The following MRC2 variants were observed in gnomAD, a reference collection of about 807,000 sequenced individuals.
The protein encoded by MRC2 is mannose receptor C-type 2.
MRC2 carries 84 observed loss-of-function variants against 206.2 expected under a neutral mutation model. The observed-to-expected ratio is 0.41, with a 90% CI of 0.34 to 0.49. MRC2 has a LOEUF of 0.49. MRC2 is among the 20% of genes least tolerant of loss of function. The pLI is 0.31. For synonymous variants in MRC2, 798 were observed against 800.0 expected (o/e 1.00, Z 0.04); for missense variants, 1,676 against 2,001.5 (o/e 0.84, Z 3.10).
chr17:62,639,049 A>G (rs2088364905), intron 1 of MRC2, among the ~76,000 whole-genome samples: 1 of 152,180 alleles, frequency 6.6e-6, no homozygotes. Context: ...AAGTGCAAGG[A>G]TTGGGCCGGG....
At chr17:62,673,255 G>A (rs536160046) in intron 8 of MRC2, among the ~76,000 whole-genome samples, 1 of 152,278 alleles carries the variant, frequency 6.6e-6, no homozygotes, top group African/African-American at 2.4e-5. Flanking sequence ...CATACTGCTG[G>A]CTGGGGGCCT....
rs939644343 is a variant in MRC2 at position 62,693,130 on chromosome 17, GAC to G, written c.*682_*683del. The G allele has an allele frequency of 7.2e-5, 11 of 152,676 alleles. No homozygotes were observed. Among genetic ancestry groups the G allele is most frequent in the African/African-American group, 2.4e-4 (10 of 41,424 alleles). The allele number at this position is 152,676 out of a possible 1,614,324, so 9.5% of individuals were successfully genotyped here. On this transcript the variant is annotated 3_prime_UTR_variant, in exon 30 of 30. Transcript: ENST00000303375. ...TGGGCTGGAGATAAGACTGGGGAGAGACACCCCAACCTCCCAGGGTGGGAGCT... is the reference window on the plus strand; with the variant it reads ...TGGGCTGGAGATAAGACTGGGGAGAGACCCCAACCTCCCAGGGTGGGAGCT...
chr17:62,629,761 G>T (rs1366356805), intron 1 of MRC2, among the ~76,000 whole-genome samples: 2 of 152,226 alleles, frequency 1.3e-5, no homozygotes, highest in East Asian at 3.8e-4. Context: ...GGTGAATTAC[G>T]TTGTTGTTGG....
Position 62,676,317 on chromosome 17 carries a change from T to C in MRC2, c.1686-66T>C, listed in dbSNP as rs75948851. 1,225 of 1,594,538 alleles carry C rather than the reference T, an allele frequency of 7.7e-4. 8 individuals carry two copies. The African/African-American group carries it at 0.014, about 19-fold the overall frequency. ...GCACCCGAGCTCCCACGGTAGGGCG[T>C]CTGGCCTGTGACTGGGGGATTGGGA... On this transcript the variant is annotated intron_variant, in intron 10 of 29. Transcript: ENST00000303375.
intron 26 of MRC2, 69 bp downstream of exon 26, chr17:62,690,374 A>C (rs988711197): frequency 6.5e-7 from 1 of 1,534,430 alleles, no homozygotes; most frequent in Non-Finnish European, 8.8e-7. Flanking sequence ...ACTCAGACCC[A>C]TGAGTACATC....
rs181488429 is a variant in MRC2 at position 62,652,768 on chromosome 17, G to T, written c.119-11780G>T. Among the ~76,000 whole-genome samples the T allele has an allele frequency of 6.8e-6, 1 of 147,448 alleles. No individual in the cohort carries two copies. The highest frequency in any genetic ancestry group is 2.5e-5 in the African/African-American group (1 of 39,792). ...GGTGACAGAGGAAGTGGCGCCGCTT[G>T]GGGGGGTGCACGATGGCAGGGGGAG... is the stretch of plus-strand genomic sequence containing the variant. On this transcript the variant is annotated intron_variant, in intron 1 of 29. Coordinates refer to ENST00000303375, the MANE Select transcript of MRC2 (RefSeq NM_006039.5). This position sits in a 1 kb window ranked among gnomAD's most constrained non-coding sequence, Gnocchi z 4.6.
chr17:62,638,338 A>G (rs911358316), intron 1 of MRC2, among the ~76,000 whole-genome samples: 1 of 152,238 alleles, frequency 6.6e-6, no homozygotes, highest in African/African-American at 2.4e-5. Flanking sequence ...AAAAAAGTCC[A>G]ATGTACTAGA....
intron 1 of MRC2, among the ~76,000 whole-genome samples, chr17:62,641,895 C>CTCTGTGTG (rs56350809): frequency 1.1e-4 from 16 of 150,070 alleles, no homozygotes; most frequent in Middle Eastern, 6.8e-3. Context: ...ATCTCACTCT[C>CTCTGTGTG]TGTGTGTGTG....
intron 1 of MRC2, among the ~76,000 whole-genome samples, chr17:62,639,077 G>A (rs2088365401): frequency 2.6e-5 from 4 of 152,162 alleles, no homozygotes; most frequent in African/African-American, 9.7e-5. Context: ...GCTCATGCCT[G>A]TAATCCCAGC....
chr17:62,687,366 G>T (rs1310427518), intron 20 of MRC2, among the ~76,000 whole-genome samples: 8 of 152,098 alleles, frequency 5.3e-5, no homozygotes, highest in South Asian at 2.1e-4. Flanking sequence ...CTCCATGTTG[G>T]TCAGGCTGGT....
Position 62,692,134 on chromosome 17 carries a change from A to G in MRC2, c.4215A>G (p.Pro1405=). Residue 1405 remains proline, a synonymous_variant, in exon 29 of 30, where the codon CCA becomes CCG. Coordinates refer to ENST00000303375, the MANE Select transcript of MRC2 (RefSeq NM_006039.5). This position sits in a 1 kb window ranked among gnomAD's most constrained non-coding sequence, Gnocchi z 4.2. ...CAGCTGAGCAGAGCAGCTTCTCCCC[A>G]TCAGGTGAGTGAAAGGCAATGCCCC... The part of the protein sequence containing the change: ...LPRAEQSSFS[P]SALPENPAAL... The G allele has an allele frequency of 6.2e-7, 1 of 1,614,218 alleles. No individual in the cohort carries two copies. Among genetic ancestry groups the G allele is most frequent in the East Asian group, 2.2e-5 (1 of 44,884 alleles).
At position 62,667,549 on chromosome 17, in the gene MRC2, T is replaced by C. The variant is rs781260567; in HGVS notation, c.1117+16T>C. The C allele has an allele frequency of 1.3e-6, 2 of 1,598,772 alleles. No homozygotes were observed. Among genetic ancestry groups the C allele is most frequent in the African/African-American group, 2.7e-5 (2 of 74,242 alleles). ...ACCCCTCCAGGTGAGCCAGGGACTGTGCCGCAGGGTGGGGAGGGGCTCCCA... is the reference window on the plus strand; with the variant it reads ...ACCCCTCCAGGTGAGCCAGGGACTGCGCCGCAGGGTGGGGAGGGGCTCCCA... On this transcript the variant is annotated intron_variant, in intron 6 of 29. Coordinates refer to ENST00000303375, the MANE Select transcript of MRC2 (RefSeq NM_006039.5). The surrounding 1 kb of genome is among the most constrained non-coding windows in gnomAD (Gnocchi z 4.1).
rs2302241 is a variant in MRC2 at position 62,678,743 on chromosome 17, G to C, written c.2195+97G>C. ...CTTGGTTTTGTTGGGCGAGCAGGGGGATGGCAGAATGTGGGTGACCCCAGG... is the reference window on the plus strand; with the variant it reads ...CTTGGTTTTGTTGGGCGAGCAGGGGCATGGCAGAATGTGGGTGACCCCAGG... On this transcript the variant is annotated intron_variant, in intron 13 of 29. Transcript: ENST00000303375. 0.037 allele frequency: 57,055 copies of C among 1,542,050 alleles called. 6,848 individuals are homozygous for C. The African/African-American group carries it at 0.4, about 11-fold the overall frequency.
At chr17:62,648,029 A>T (rs766220013) in intron 1 of MRC2, among the ~76,000 whole-genome samples, 1 of 152,240 alleles carries the variant, frequency 6.6e-6, no homozygotes, top group Non-Finnish European at 1.5e-5. Flanking sequence ...TGACTCGCTC[A>T]GGAACTGGGA....
intron 1 of MRC2, among the ~76,000 whole-genome samples, chr17:62,655,399 G>C (rs1037844750): frequency 2.0e-5 from 3 of 151,524 alleles, no homozygotes; most frequent in African/African-American, 7.3e-5. Context: ...AAAATTAGCC[G>C]GGCATGGTGG....
At position 62,672,998 on chromosome 17, in the gene MRC2, A is replaced by AT. The variant is rs34108043; in HGVS notation, c.1461+846_1461+847insT. Among the ~76,000 whole-genome samples, 2 of 151,338 alleles carry AT rather than the reference A, an allele frequency of 1.3e-5. No individual in the cohort carries two copies. Among genetic ancestry groups the AT allele is most frequent in the African/African-American group, 2.4e-5 (1 of 40,946 alleles). ...CAGAGCAAGACCCTGTCTCAAAAAA[A>AT]AAAAAATAAAATAAAAAGGAGAAAG... On this transcript the variant is annotated intron_variant, in intron 8 of 29. Transcript: ENST00000303375. This position sits in a 1 kb window ranked among gnomAD's most constrained non-coding sequence, Gnocchi z 4.5.
chr17:62,659,124 G>T (rs1337374266), intron 1 of MRC2, among the ~76,000 whole-genome samples: 2 of 152,166 alleles, frequency 1.3e-5, no homozygotes, highest in Admixed American at 1.3e-4. Context: ...GGTGGAATAG[G>T]TGAGGGTCTC....
In MRC2 at chr17:62,678,638, G is replaced by T. The variant is rs1241893556; in HGVS notation, c.2187G>T (p.Lys729Asn). The change falls in exon 13 of 30, where the codon AAG (lysine) becomes AAT (asparagine). Residue 729 changes from lysine (K) to asparagine (N), a missense_variant. This residue lies in a region of MRC2 where 1,354 missense variants were observed against 1,636.6 expected (regional missense o/e 0.83). Transcript: ENST00000303375. ...ACTTTGTGGCCAACATGCTCAACAA[G>T]ATCTTCGGGTACTGAGCCGGGCTGA... ...EEHFVANMLN[K>N]IFGESEPEIH... The T allele has an allele frequency of 6.2e-7, 1 of 1,611,554 alleles. No homozygotes were observed. The highest frequency in any genetic ancestry group is 1.1e-5 in the South Asian group (1 of 90,934).
rs562508944 is a variant in MRC2 at position 62,682,791 on chromosome 17, GC to G, written c.2946+416del. Among the ~76,000 whole-genome samples, 438 of 152,000 alleles carry G rather than the reference GC, an allele frequency of 2.9e-3. 3 individuals are homozygous for G. The highest frequency in any genetic ancestry group is 2.8e-3 in the Non-Finnish European group (187 of 67,980). ...CGAGTAGCTGGGATTACAGGCACCT[GC>G]CACCACCCCTGGCTAATTTTTGTAT... On this transcript the variant is annotated intron_variant, in intron 20 of 29. Transcript: ENST00000303375.
Sources: gnomAD v4.1 joint callset for allele counts (sites outside exome capture counted in the v4.1 genomes callset) on GRCh38, gnomAD v4.1.1 for gene constraint, gnomAD v4.1.1 regional missense constraint, Gnocchi (gnomAD v3.1) non-coding constraint, MANE v1.5 for transcripts, NCBI Gene and HGNC (gene_info 2026-07-23, HGNC 2026-07-21) for gene names.